SPIDR: variants seen among roughly 807,000 people sequenced by gnomAD.
SPIDR encodes the protein DNA repair-scaffolding protein.
SPIDR carries 93 observed loss-of-function variants against 104.6 expected under a neutral mutation model. The ratio of observed to expected loss-of-function variants is 0.89; its 90% CI spans 0.75 to 1.06. SPIDR has a LOEUF of 1.06. Ranked by LOEUF, SPIDR falls within the 50% of genes least tolerant of loss-of-function variation. The pLI is 0.00. For synonymous variants in SPIDR, 431 were observed against 416.9 expected, an observed-to-expected ratio of 1.03 and a Z score of -0.41; for missense variants, 1,154 against 1,111.2, an observed-to-expected ratio of 1.04 and a Z score of -0.55.
intron 14 of SPIDR, among the ~76,000 whole-genome samples, chr8:47,709,465 G>A (rs1348026634): frequency 6.6e-6 from 1 of 151,382 alleles, no homozygotes; most frequent in Non-Finnish European, 1.5e-5. Context: ...TAGTAGAGAT[G>A]GGGTTTTACC....
intron 8 of SPIDR, among the ~76,000 whole-genome samples, chr8:47,449,673 A>G (rs1414111394): frequency 1.3e-5 from 2 of 152,214 alleles, no homozygotes; most frequent in Non-Finnish European, 2.9e-5. Flanking sequence ...AGGAAAGAAA[A>G]TTAATGCAGT....
intron 14 of SPIDR, among the ~76,000 whole-genome samples, chr8:47,707,539 C>G (rs1048129684): frequency 2.6e-5 from 4 of 152,070 alleles, no homozygotes; most frequent in Non-Finnish European, 5.9e-5. Context: ...TCTCTAAATT[C>G]TATTTTTATC....
At chr8:47,370,955 C>G (rs753196580) in intron 5 of SPIDR, among the ~76,000 whole-genome samples, 15 of 151,968 alleles carry the variant, frequency 9.9e-5, no homozygotes, top group Non-Finnish European at 1.9e-4. Context: ...CTAGTGTCTC[C>G]TCTCCCATCC....
intron 10 of SPIDR, among the ~76,000 whole-genome samples, chr8:47,658,029 C>CAA (rs34648437): frequency 6.1e-4 from 46 of 76,002 alleles, no homozygotes; most frequent in East Asian, 3.7e-3. Context: ...GACCCTGTCT[C>CAA]AAAAAAAAAA....
chr8:47,490,391 G>T (rs934157815), intron 8 of SPIDR, among the ~76,000 whole-genome samples: 1 of 152,280 alleles, frequency 6.6e-6, no homozygotes, highest in Middle Eastern at 3.4e-3. Flanking sequence ...CACTTTTACA[G>T]TGTTGGTGGG....
chr8:47,473,007 C>T (rs1323695414), intron 8 of SPIDR, among the ~76,000 whole-genome samples: 6 of 152,196 alleles, frequency 3.9e-5, no homozygotes, highest in Non-Finnish European at 1.5e-5. Context: ...GTTTACTGGC[C>T]TCAGTACAAC....
chr8:47,330,633 C>T, intron 5 of SPIDR: 1 of 352,492 alleles, frequency 2.8e-6, no homozygotes, highest in South Asian at 2.2e-5. Context: ...GGAGTGCCTT[C>T]TTTCACTTAG....
chr8:47,681,329 G>A (rs2077073781), intron 11 of SPIDR, among the ~76,000 whole-genome samples: 1 of 151,874 alleles, frequency 6.6e-6, no homozygotes, highest in South Asian at 2.1e-4. Flanking sequence ...GTATCTCTTT[G>A]TAAGATCTTC....
intron 14 of SPIDR, among the ~76,000 whole-genome samples, chr8:47,707,166 A>G (rs184318101): frequency 6.6e-6 from 1 of 151,634 alleles, no homozygotes; most frequent in Admixed American, 6.6e-5. Context: ...AGGCAGGAGA[A>G]TGGCTTGAAC....
intron 8 of SPIDR, among the ~76,000 whole-genome samples, chr8:47,452,069 A>G (rs1339046093): frequency 1.3e-5 from 2 of 152,168 alleles, no homozygotes; most frequent in South Asian, 2.1e-4. Context: ...AAGAAGGCCA[A>G]TGTACTTCAA....
rs187573898 is a variant in SPIDR, at chr8:47,593,386, C to T, written c.1098-2425C>T. ...TATTTATTCTGTTTATTTGCTGAGA[C>T]TATTTTTTTTCATTTGTCTCAAGTG... On this transcript the variant is annotated intron_variant, in intron 8 of 19. Transcript: ENST00000297423. Among the ~76,000 whole-genome samples, 420 of 151,964 alleles carry T rather than the reference C, an allele frequency of 2.8e-3. 1 individual carries two copies. Among genetic ancestry groups the T allele is most frequent in the African/African-American group, 9.9e-3 (410 of 41,440 alleles).
chr8:47,565,866 A>G (rs2057721723), intron 8 of SPIDR, among the ~76,000 whole-genome samples: 1 of 149,194 alleles, frequency 6.7e-6, no homozygotes, highest in Non-Finnish European at 1.5e-5. Flanking sequence ...AAAAATAGAA[A>G]AAATAAGACA....
chr8:47,602,032 G>A (rs1180749444), intron 10 of SPIDR, among the ~76,000 whole-genome samples: 1 of 152,178 alleles, frequency 6.6e-6, no homozygotes, highest in Non-Finnish European at 1.5e-5. Flanking sequence ...AATATATTTA[G>A]AAAGAAAAAC....
chr8:47,589,391 G>A (rs569445547), intron 8 of SPIDR, among the ~76,000 whole-genome samples: 34 of 151,848 alleles, frequency 2.2e-4, no homozygotes, highest in Admixed American at 9.2e-4. Flanking sequence ...GCATGGTGGC[G>A]CGCGCCTGTA....
chr8:47,483,473 C>T (rs782812586), intron 8 of SPIDR, among the ~76,000 whole-genome samples: 1 of 152,126 alleles, frequency 6.6e-6, no homozygotes, highest in Non-Finnish European at 1.5e-5. Context: ...AAGTCATTTC[C>T]CTCTGCTGCC....
In SPIDR at chr8:47,735,601, G is replaced by A; in HGVS notation, c.*151G>A. 1 of 1,460,282 alleles carries A rather than the reference G, an allele frequency of 6.8e-7. No individual in the cohort carries two copies. The highest frequency in any genetic ancestry group is 9.2e-7 in the Non-Finnish European group (1 of 1,089,676). 90.5% of individuals were successfully genotyped at this position (1,460,282 alleles called of 1,614,324 possible). A position where few individuals can be genotyped will look rare whatever the true frequency, so the allele number is the denominator to read the frequency against. ...TTAGATTTTTCTGGGGAAATGTTCA[G>A]ATACAGTTTTGTGAACTGTAAATCA... On this transcript the variant is annotated 3_prime_UTR_variant, in exon 20 of 20. Transcript: ENST00000297423.
chr8:47,450,932 C>G (rs2071598811), intron 8 of SPIDR, among the ~76,000 whole-genome samples: 1 of 152,170 alleles, frequency 6.6e-6, no homozygotes, highest in South Asian at 2.1e-4. Flanking sequence ...ATTCTGCGAT[C>G]CCTGAGGAGT....
chr8:47,359,340 A>T (rs1361476513), intron 5 of SPIDR, among the ~76,000 whole-genome samples: 2 of 152,110 alleles, frequency 1.3e-5, no homozygotes, highest in Non-Finnish European at 2.9e-5. Flanking sequence ...GAAAGTTTCA[A>T]ACTTCGAACT....
intron 7 of SPIDR, among the ~76,000 whole-genome samples, chr8:47,413,859 G>A (rs927523435): frequency 6.6e-6 from 1 of 152,178 alleles, no homozygotes; most frequent in Admixed American, 6.5e-5. Context: ...TGCTATAGAT[G>A]ACTAAGGCCA....
Sources: allele counts gnomAD v4.1 joint callset (sites outside exome capture counted in the v4.1 genomes callset), GRCh38; gene constraint gnomAD v4.1.1; transcripts MANE v1.5; gene names NCBI Gene and HGNC (gene_info 2026-07-23, HGNC 2026-07-21).